BACH2: variants seen among roughly 807,000 people sequenced by gnomAD.
BACH2 encodes transcription regulator protein BACH2.
BACH2 carries 5 observed loss-of-function variants against 61.8 expected under a neutral mutation model. The ratio of observed to expected loss-of-function variants is 0.08; its 90% confidence interval spans 0.04 to 0.17. The LOEUF is 0.17. Among genes scored for constraint, BACH2 ranks in the 10% least tolerant of loss-of-function variants. BACH2 has a pLI of 1.00. For synonymous variants in BACH2, 446 were observed against 440.1 expected, an observed-to-expected ratio of 1.01 and a Z score of -0.17; for missense variants, 824 against 1,091.1, an observed-to-expected ratio of 0.76 and a Z score of 3.45.
chr6:90,193,928 T>TG (rs1768663460), intron 4 of BACH2, among the ~76,000 whole-genome samples: 1 of 152,232 alleles, frequency 6.6e-6, no homozygotes. Flanking sequence ...GAAGATATTT[T>TG]GGGGTAAATT....
intron 4 of BACH2, among the ~76,000 whole-genome samples, chr6:90,106,042 T>G (rs1213833317): frequency 6.6e-6 from 1 of 152,228 alleles, no homozygotes; most frequent in African/African-American, 2.4e-5. Flanking sequence ...AGGGGTTTGC[T>G]GACCTCAGTC....
At chr6:90,086,897 T>C (rs1310525277) in intron 5 of BACH2, among the ~76,000 whole-genome samples, 2 of 152,204 alleles carry the variant, frequency 1.3e-5, no homozygotes, top group African/African-American at 2.4e-5. Flanking sequence ...TTGTTGGAGA[T>C]GGTATATTTT....
chr6:89,971,899 A>T (rs899934660), intron 6 of BACH2, among the ~76,000 whole-genome samples: 1 of 152,208 alleles, frequency 6.6e-6, no homozygotes, highest in Non-Finnish European at 1.5e-5. Context: ...CTAAAATTCA[A>T]GATGAGATGT....
At chr6:90,217,891 G>C (rs1005457828) in intron 3 of BACH2, 3 of 151,950 alleles carry the variant, frequency 2.0e-5, no homozygotes, top group African/African-American at 7.3e-5. Context: ...CTGTGGTAGG[G>C]AAAAATAATA....
At chr6:90,219,962 A>G (rs1387539800) in intron 3 of BACH2, among the ~76,000 whole-genome samples, 1 of 151,572 alleles carries the variant, frequency 6.6e-6, no homozygotes, top group Non-Finnish European at 1.5e-5. Flanking sequence ...TATTTTTCTG[A>G]GTTTTTTTTT....
At chr6:90,290,223 C>G (rs577094870) in intron 1 of BACH2, among the ~76,000 whole-genome samples, 2 of 152,326 alleles carry the variant, frequency 1.3e-5, no homozygotes, top group South Asian at 4.1e-4. Flanking sequence ...CTCCACAATT[C>G]CTCAGGGAGG....
At chr6:90,026,059 T>C (rs1778620101) in intron 5 of BACH2, among the ~76,000 whole-genome samples, 1 of 152,136 alleles carries the variant, frequency 6.6e-6, no homozygotes, top group African/African-American at 2.4e-5. Flanking sequence ...ACAGAAATTA[T>C]TCTGTCTTAG....
intron 6 of BACH2, among the ~76,000 whole-genome samples, chr6:89,977,137 C>T (rs1350504448): frequency 6.6e-6 from 1 of 152,090 alleles, no homozygotes; most frequent in Non-Finnish European, 1.5e-5. Context: ...TGAACTTTCT[C>T]CTTATCCTAC....
intron 5 of BACH2, among the ~76,000 whole-genome samples, chr6:90,030,757 C>T (rs1778930827): frequency 6.6e-6 from 1 of 151,866 alleles, no homozygotes; most frequent in Admixed American, 6.6e-5. Context: ...GGATTCACAG[C>T]CGAATTCTAC....
intron 4 of BACH2, among the ~76,000 whole-genome samples, chr6:90,106,288 T>A (rs1041304878): frequency 6.6e-6 from 1 of 152,210 alleles, no homozygotes. Flanking sequence ...ACTTACACTT[T>A]CCATGAAGTA....
intron 6 of BACH2, among the ~76,000 whole-genome samples, chr6:89,955,511 GT>G (rs1774379586): frequency 6.6e-6 from 1 of 152,102 alleles, no homozygotes; most frequent in Admixed American, 6.5e-5. Flanking sequence ...TAGGTCAAGG[GT>G]TGCTTTGATA....
chr6:90,244,035 C>T (rs1770547986), intron 3 of BACH2, among the ~76,000 whole-genome samples: 1 of 152,166 alleles, frequency 6.6e-6, no homozygotes, highest in East Asian at 1.9e-4. Context: ...GATTCTCATG[C>T]CTCAGCCTCC....
chr6:90,042,628 T>C (rs1456235425), intron 5 of BACH2, among the ~76,000 whole-genome samples: 1 of 152,068 alleles, frequency 6.6e-6, no homozygotes, highest in Non-Finnish European at 1.5e-5. Context: ...CATGAGCACA[T>C]AAAAACACAT....
chr6:90,084,771 T>C (rs1009909589), intron 5 of BACH2, among the ~76,000 whole-genome samples: 21 of 152,170 alleles, frequency 1.4e-4, no homozygotes, highest in African/African-American at 5.1e-4. Flanking sequence ...TTATATATAA[T>C]GGTTCTGCTA....
chr6:90,250,514 A>G (rs1481163231), intron 3 of BACH2, among the ~76,000 whole-genome samples: 1 of 152,134 alleles, frequency 6.6e-6, no homozygotes, highest in African/African-American at 2.4e-5. Context: ...TCATTCATTC[A>G]TTCGACAGAT....
At chr6:90,208,137 T>C (rs961679323) in intron 3 of BACH2, among the ~76,000 whole-genome samples, 5 of 152,268 alleles carry the variant, frequency 3.3e-5, no homozygotes, top group Non-Finnish European at 5.9e-5. Context: ...ATTCAGGACA[T>C]AGGCATGGGC....
chr6:90,170,406 T>G (rs1018982196), intron 4 of BACH2, among the ~76,000 whole-genome samples: 7 of 152,172 alleles, frequency 4.6e-5, no homozygotes, highest in African/African-American at 1.7e-4. Flanking sequence ...AACCAGAATG[T>G]AAGCTCAGTA....
At chr6:90,087,478 G>A (rs1781984272) in intron 5 of BACH2, among the ~76,000 whole-genome samples, 1 of 152,134 alleles carries the variant, frequency 6.6e-6, no homozygotes, top group Non-Finnish European at 1.5e-5. Context: ...AGGTACACAT[G>A]TACATTTGTA....
At chr6:90,149,596 C>T (rs183374373) in intron 4 of BACH2, among the ~76,000 whole-genome samples, 5 of 152,208 alleles carry the variant, frequency 3.3e-5, no homozygotes, top group Non-Finnish European at 5.9e-5. Context: ...CCAGCATAAA[C>T]GAAACATTCA....
Sources: allele counts gnomAD v4.1 joint callset (sites outside exome capture counted in the v4.1 genomes callset), GRCh38; gene constraint gnomAD v4.1.1; transcripts MANE v1.5; gene names NCBI Gene and HGNC (gene_info 2026-07-23, HGNC 2026-07-21).